NRTN: variants seen among roughly 807,000 people sequenced by gnomAD.
NRTN encodes the protein neurturin.
In NRTN, 3 loss-of-function variants were observed where a neutral mutation model predicts 7.5. The ratio of observed to expected loss-of-function variants is 0.40; its 90% CI spans 0.18 to 1.03. NRTN has a LOEUF of 1.03. Among genes scored for constraint, NRTN ranks in the 50% least tolerant of loss-of-function variants. The pLI is 0.34. For synonymous variants in NRTN, 157 were observed against 146.6 expected (o/e 1.07, Z -0.51); for missense variants, 310 against 307.0 (o/e 1.01, Z -0.07).
intron 1 of NRTN, among the ~76,000 whole-genome samples, chr19:5,809,574 C>T (rs1599633617): frequency 6.6e-6 from 1 of 152,030 alleles, no homozygotes; most frequent in South Asian, 2.1e-4. Context: ...GTGAGTTTGT[C>T]GGGGAGGGGC....
chr19:5,808,722 C>T (rs2056980999), intron 1 of NRTN, among the ~76,000 whole-genome samples: 2 of 151,722 alleles, frequency 1.3e-5, no homozygotes, highest in Non-Finnish European at 2.9e-5. Context: ...CAGCTCCCTC[C>T]GCCTGGAACA....
At chr19:5,808,037 C>A (rs1244576518) in intron 1 of NRTN, among the ~76,000 whole-genome samples, 1 of 152,172 alleles carries the variant, frequency 6.6e-6, no homozygotes, top group African/African-American at 2.4e-5. Flanking sequence ...GAGCTGAGAT[C>A]GCACCACTGC....
intron 2 of NRTN, among the ~76,000 whole-genome samples, chr19:5,826,434 G>C (rs1450352013): frequency 2.6e-5 from 4 of 152,174 alleles, no homozygotes; most frequent in Admixed American, 6.5e-5. Flanking sequence ...GCCTGAGGTT[G>C]CAAGTGGCGA....
intron 2 of NRTN, 83 bp downstream of exon 2, chr19:5,824,417 G>T (rs1489765489): frequency 8.7e-6 from 13 of 1,497,740 alleles, no homozygotes; most frequent in African/African-American, 1.4e-5. Flanking sequence ...GTGGTGGGGG[G>T]GTGTCATAGG....
chr19:5,818,115 C>G (rs747753492), intron 1 of NRTN, among the ~76,000 whole-genome samples: 10 of 152,016 alleles, frequency 6.6e-5, no homozygotes, highest in Admixed American at 5.2e-4. Context: ...AGGCGCCCAC[C>G]ACCACACCCG....
intron 1 of NRTN, among the ~76,000 whole-genome samples, chr19:5,816,345 C>T (rs1437898528): frequency 6.6e-6 from 1 of 152,142 alleles, no homozygotes; most frequent in African/African-American, 2.4e-5. Context: ...ATGACCTTGA[C>T]TCTTTTTGTC....
At chr19:5,810,490 G>T (rs1220845938) in intron 1 of NRTN, among the ~76,000 whole-genome samples, 2 of 151,986 alleles carry the variant, frequency 1.3e-5, no homozygotes, top group African/African-American at 4.8e-5. Context: ...GTGGAAAACA[G>T]GGCTAATAAT....
chr19:5,807,357 G>T (rs959816729), intron 1 of NRTN, among the ~76,000 whole-genome samples: 1 of 152,184 alleles, frequency 6.6e-6, no homozygotes. Context: ...TTGCTGGGGG[G>T]CTGTGGGCTT....
At chr19:5,820,793 C>T (rs2057022179) in intron 1 of NRTN, among the ~76,000 whole-genome samples, 1 of 139,378 alleles carries the variant, frequency 7.2e-6, no homozygotes, top group Admixed American at 7.5e-5. Flanking sequence ...GGTTTGACAT[C>T]TGACAAAATG....
chr19:5,810,350 C>T (rs2056986425), intron 1 of NRTN, among the ~76,000 whole-genome samples: 1 of 151,584 alleles, frequency 6.6e-6, no homozygotes, highest in Non-Finnish European at 1.5e-5. Context: ...TGGTCTCAAG[C>T]AGTCCTCCCA....
intron 1 of NRTN, among the ~76,000 whole-genome samples, chr19:5,809,265 G>A (rs1005289252): frequency 4.6e-5 from 7 of 151,210 alleles, no homozygotes; most frequent in African/African-American, 1.7e-4. Flanking sequence ...CCACCTCCTG[G>A]ACTCAAGCGA....
Position 5,805,188 on chromosome 19 carries a change from G to T in NRTN, c.-662G>T, listed in dbSNP as rs1436312523. 6.8e-6 allele frequency among the ~76,000 whole-genome samples: 1 copy of T among 146,532 alleles called. No homozygotes were observed. Among genetic ancestry groups the T allele is most frequent in the Non-Finnish European group, 1.5e-5 (1 of 65,900 alleles). ...CGCCGTCCGTGCGCCCCCGCGCCCC[G>T]CGCCCTCTGAGCCGCCGGCCGTCCA... On this transcript the variant is annotated 5_prime_UTR_variant, in exon 1 of 3. Transcript: ENST00000303212.
In NRTN at chr19:5,806,282, C is replaced by T. The variant is rs1016839806; in HGVS notation, c.-399+831C>T. Among the ~76,000 whole-genome samples the T allele has an allele frequency of 1.3e-5, 2 of 152,110 alleles. No individual in the cohort carries two copies. Among genetic ancestry groups the T allele is most frequent in the Admixed American group, 6.5e-5 (1 of 15,272 alleles). ...CCCAGGGTGAATGCCACCACTGTCC[C>T]CTCCCCAGAACGCATCCGACCTGCC... On this transcript the variant is annotated intron_variant, in intron 1 of 2. Coordinates refer to ENST00000303212, the MANE Select transcript of NRTN (RefSeq NM_004558.5). This position sits in a 1 kb window ranked among gnomAD's most constrained non-coding sequence, Gnocchi z 5.4.
In NRTN at chr19:5,820,619, C is replaced by T. The variant is rs1386410946; in HGVS notation, c.-398-3149C>T. Among the ~76,000 whole-genome samples, 3 of 149,170 alleles carry T rather than the reference C, an allele frequency of 2.0e-5. No individual in the cohort carries two copies. The Admixed American group carries it at 2.0e-4, about 10-fold the overall frequency. On this transcript the variant is annotated intron_variant, in intron 1 of 2. Transcript: ENST00000303212. Reference sequence around the variant, plus strand: ...TGGCACATTCGTTTAATCCCAGCTACTTGGGAGGCTGAGGCAGGAGAATCG... The same window carrying T: ...TGGCACATTCGTTTAATCCCAGCTATTTGGGAGGCTGAGGCAGGAGAATCG...
At chr19:5,822,052 T>TGCTTAA (rs2057026699) in intron 1 of NRTN, among the ~76,000 whole-genome samples, 1 of 152,190 alleles carries the variant, frequency 6.6e-6, no homozygotes, top group Admixed American at 6.5e-5. Flanking sequence ...ACCAGGCCTG[T>TGCTTAA]TACACAGCTG....
Position 5,827,880 on chromosome 19 carries a change from C to T in NRTN, c.301C>T (p.Arg101Trp). 2 of 1,312,098 alleles carry T rather than the reference C, an allele frequency of 1.5e-6. No individual in the cohort carries two copies. The highest frequency in any genetic ancestry group is 3.0e-5 in the Admixed American group (1 of 33,000). The allele number at this position is 1,312,098 out of a possible 1,614,324, so 81.3% of individuals were successfully genotyped here. A position where few individuals can be genotyped will look rare whatever the true frequency, so the allele number is the denominator to read the frequency against. Residue 101 changes from arginine to tryptophan, a missense_variant, in exon 3 of 3, where the codon CGG becomes TGG. Physicochemically the swap from Arg to Trp is moderately radical, Grantham distance 101. Transcript: ENST00000303212. ...GCGCGCGCGTGCGCGGTTGGGGGCG[C>T]GGCCTTGCGGGCTGCGCGAGCTGGA... The part of the protein sequence containing the change: ...RRRARARLGA[R>W]PCGLRELEVR...
In NRTN at chr19:5,806,299, C is replaced by T. The variant is rs972693836; in HGVS notation, c.-399+848C>T. ...CACTGTCCCCTCCCCAGAACGCATC[C>T]GACCTGCCCACAGGCCTGTGATTAC... On this transcript the variant is annotated intron_variant, in intron 1 of 2. Coordinates refer to ENST00000303212, the MANE Select transcript of NRTN (RefSeq NM_004558.5). The surrounding 1 kb of genome is among the most constrained non-coding windows in gnomAD (Gnocchi z 5.4). Among the ~76,000 whole-genome samples the T allele has an allele frequency of 6.6e-5, 10 of 152,050 alleles. No homozygotes were observed. The highest frequency in any genetic ancestry group is 1.2e-4 in the Non-Finnish European group (8 of 68,010).
chr19:5,812,908 A>C lies in NRTN; in HGVS notation c.-399+7457A>C, dbSNP rs1293236470. ...AACAGAGGCACAGGCGCGCGAACAC[A>C]TGTATGCCGCGGCGTTCACACACAC... On this transcript the variant is annotated intron_variant, in intron 1 of 2. Transcript: ENST00000303212. Among the ~76,000 whole-genome samples, 3 of 152,178 alleles carry C rather than the reference A, an allele frequency of 2.0e-5. No individual in the cohort carries two copies. In the East Asian group the frequency reaches 5.8e-4, roughly 29 times the overall value.
chr19:5,812,777 G>C (rs1202889874), intron 1 of NRTN, among the ~76,000 whole-genome samples: 1 of 152,230 alleles, frequency 6.6e-6, no homozygotes, highest in Non-Finnish European at 1.5e-5. Context: ...TTCTCCACCA[G>C]TGGAACCTCA....
Sources: allele counts gnomAD v4.1 joint callset (sites outside exome capture counted in the v4.1 genomes callset), GRCh38; gene constraint gnomAD v4.1.1; non-coding constraint Gnocchi (gnomAD v3.1); transcripts MANE v1.5; gene names NCBI Gene and HGNC (gene_info 2026-07-23, HGNC 2026-07-21).